CSE1L: variants seen among roughly 807,000 people sequenced by gnomAD.
CSE1L encodes the protein chromosome segregation 1 like.
CSE1L carries 24 observed loss-of-function variants against 120.4 expected under a neutral mutation model. The ratio of observed to expected loss-of-function variants is 0.20; its 90% CI spans 0.14 to 0.28. The LOEUF (loss-of-function observed/expected upper bound fraction) is 0.28. Among genes scored for constraint, CSE1L ranks in the 10% least tolerant of loss-of-function variants. The pLI is 1.00. For synonymous variants in CSE1L, 402 were observed against 398.3 expected, an observed-to-expected ratio of 1.01 and a Z score of -0.11; for missense variants, 830 against 1,145.2, an observed-to-expected ratio of 0.72 and a Z score of 3.97.
intron 1 of CSE1L, 49 bp from the exon 2 acceptor site, chr20:49,058,404 C>A (rs1477491358): frequency 3.1e-6 from 4 of 1,294,150 alleles, no homozygotes. Flanking sequence ...AAATGTAAAT[C>A]ACTTTTTCCG....
chr20:49,089,709 G>A lies in CSE1L; in HGVS notation c.2144G>A (p.Gly715Asp), dbSNP rs562649816. Residue 715 changes from glycine (G) to aspartate (D), a missense_variant, in exon 19 of 25, where the codon GGT (glycine) becomes GAT (aspartate). Transcript: ENST00000262982. ...CTTCTTCAAGCATTCTTAGAACGCGGTTCAAACACAATAGCAAGTGCTGCA... is the reference window on the plus strand; with the variant it reads ...CTTCTTCAAGCATTCTTAGAACGCGATTCAAACACAATAGCAAGTGCTGCA... ...VRLLQAFLERGSNTIASAAAD... is the reference protein window; with the variant it reads ...VRLLQAFLERDSNTIASAAAD... 6.2e-7 allele frequency: 1 copy of A among 1,614,182 alleles called. No individual in the cohort carries two copies.
intron 2 of CSE1L, 88 bp from the exon 3 acceptor site, chr20:49,063,114 T>G: frequency 1.5e-6 from 1 of 679,294 alleles, no homozygotes; most frequent in Non-Finnish European, 2.0e-6. Flanking sequence ...TTTCTCTTTT[T>G]TTGATTTTTT....
intron 8 of CSE1L, among the ~76,000 whole-genome samples, chr20:49,071,100 C>A (rs541486524): frequency 6.6e-6 from 1 of 151,820 alleles, no homozygotes; most frequent in Non-Finnish European, 1.5e-5. Flanking sequence ...ACCTTCTTTC[C>A]GAAGAGACAA....
chr20:49,069,065 C>T (rs543516156), intron 7 of CSE1L, among the ~76,000 whole-genome samples: 1 of 152,140 alleles, frequency 6.6e-6, no homozygotes, highest in African/African-American at 2.4e-5. Context: ...CATCCTAACT[C>T]ACTCTTGGAG....
chr20:49,064,960 G>A lies in CSE1L; in HGVS notation c.229-1232G>A, dbSNP rs572838447. ...GCTTGAGGCCAGGAGTTGGAGACCA[G>A]CCTGGACAACAAAGTGAGACCCCTC... On this transcript the variant is annotated intron_variant, in intron 3 of 24. Coordinates refer to ENST00000262982, the MANE Select transcript of CSE1L (RefSeq NM_001316.4). Among the ~76,000 whole-genome samples the A allele has an allele frequency of 2.0e-5, 3 of 151,568 alleles. No individual in the cohort carries two copies. The South Asian group carries it at 6.3e-4, about 32-fold the overall frequency.
chr20:49,068,865 T>A (rs1297643528), intron 7 of CSE1L, 43 bp downstream of exon 7: 3 of 1,296,636 alleles, frequency 2.3e-6, no homozygotes, highest in Non-Finnish European at 3.4e-6. Flanking sequence ...TACTCTTTGA[T>A]TTTAAATAGA....
intron 22 of CSE1L, among the ~76,000 whole-genome samples, chr20:49,093,626 A>G (rs578166103): frequency 5.0e-4 from 73 of 146,238 alleles, no homozygotes; most frequent in African/African-American, 1.8e-3. Context: ...TAAAGAAAAA[A>G]GCAGAGAGGG....
At chr20:49,095,776 C>G (rs751154304) in intron 24 of CSE1L, among the ~76,000 whole-genome samples, 6 of 152,034 alleles carry the variant, frequency 3.9e-5, no homozygotes, top group Non-Finnish European at 7.4e-5. Flanking sequence ...GCCTGTAGTT[C>G]TAGTGCTTTG....
rs934079376 is a variant in CSE1L, at chr20:49,095,154, T to C, written c.2826+191T>C. The C allele has an allele frequency of 5.8e-6, 4 of 684,382 alleles. No homozygotes were observed. In the African/African-American group the frequency reaches 7.1e-5, roughly 12 times the overall value. 42.4% of individuals were successfully genotyped at this position (684,382 alleles called of 1,614,324 possible). On this transcript the variant is annotated intron_variant, in intron 24 of 24. Transcript: ENST00000262982. ...TTTCTTGTATTATGTACTACAAATA[T>C]ATTTTAAGTGAATGGATTTAGGAGT...
At chr20:49,067,912 T>G (rs2091905335) in intron 6 of CSE1L, among the ~76,000 whole-genome samples, 1 of 113,058 alleles carries the variant, frequency 8.8e-6, no homozygotes, top group African/African-American at 4.1e-5. Context: ...CTTTTTCTCT[T>G]TTTTTTTCCC....
At chr20:49,091,923 C>G in intron 21 of CSE1L, 123 bp from the exon 22 acceptor site, 1 of 633,340 alleles carries the variant, frequency 1.6e-6, no homozygotes, top group Non-Finnish European at 2.8e-6. Flanking sequence ...TACTAGAAGG[C>G]AGGTATTGAT....
intron 5 of CSE1L, 138 bp downstream of exon 5, chr20:49,066,648 G>A (rs1190819740): frequency 1.1e-5 from 8 of 760,070 alleles, no homozygotes; most frequent in East Asian, 5.4e-5. Flanking sequence ...TCTGTATTGC[G>A]TTTGTTTCTT....
rs186348297 is a variant in CSE1L, at chr20:49,085,414, A to G, written c.1723+28A>G. On this transcript the variant is annotated intron_variant, in intron 16 of 24. Coordinates refer to ENST00000262982, the MANE Select transcript of CSE1L (RefSeq NM_001316.4). ...AGGCTGTTTCCCTGGTGTGCAGACT[A>G]CAGGTATCCAATCTCAGATTGTAAG... 34 of 1,513,702 alleles carry G rather than the reference A, an allele frequency of 2.2e-5. No individual in the cohort carries two copies. In the East Asian group the frequency reaches 6.1e-4, roughly 27 times the overall value. The allele number at this position is 1,513,702 out of a possible 1,614,324, so 93.8% of individuals were successfully genotyped here.
intron 24 of CSE1L, among the ~76,000 whole-genome samples, chr20:49,095,675 T>A (rs985776873): frequency 6.6e-6 from 1 of 152,112 alleles, no homozygotes; most frequent in Non-Finnish European, 1.5e-5. Context: ...TAATAATGAC[T>A]GTATAGTTGC....
At chr20:49,072,140 TTGG>T (rs2091936930) in intron 8 of CSE1L, 143 bp from the exon 9 acceptor site, 1 of 766,944 alleles carries the variant, frequency 1.3e-6, no homozygotes, top group African/African-American at 1.8e-5. Context: ...GGTGAAAAGA[TTGG>T]TGGTGGCATA....
intron 2 of CSE1L, 103 bp downstream of exon 2, chr20:49,058,651 A>G (rs959593374): frequency 3.6e-6 from 3 of 839,822 alleles, no homozygotes; most frequent in Non-Finnish European, 5.6e-6. Flanking sequence ...AAAAATTCAT[A>G]CTTGGGTTCT....
At chr20:49,089,502 T>C (rs1000497005) in intron 18 of CSE1L, 36 bp from the exon 19 acceptor site, 1 of 1,610,018 alleles carries the variant, frequency 6.2e-7, no homozygotes, top group Admixed American at 1.7e-5. Flanking sequence ...TCATTCCTTC[T>C]GAAGCTCACA....
chr20:49,074,605 A>G (rs1395104629), intron 10 of CSE1L, among the ~76,000 whole-genome samples, 180 bp from the exon 11 acceptor site: 1 of 152,138 alleles, frequency 6.6e-6, no homozygotes, highest in Non-Finnish European at 1.5e-5. Flanking sequence ...CTAATACCTC[A>G]CCTTTCAGGG....
chr20:49,089,819 AT>A (rs1568787302), intron 19 of CSE1L, 73 bp downstream of exon 19: 3 of 1,399,300 alleles, frequency 2.1e-6, no homozygotes, highest in East Asian at 2.4e-5. Flanking sequence ...GATGTTTGAA[AT>A]TTTTTTATTT....
Sources: allele counts gnomAD v4.1 joint callset (sites outside exome capture counted in the v4.1 genomes callset), GRCh38; gene constraint gnomAD v4.1.1; transcripts MANE v1.5; gene names NCBI Gene and HGNC (gene_info 2026-07-23, HGNC 2026-07-21).